Variants in DNAH2 observed in about 807,000 individuals in gnomAD.
DNAH2 encodes the protein dynein axonemal heavy chain 2, also known as axonemal beta dynein heavy chain 2.
Under a neutral mutation model 523.5 loss-of-function variants are expected in DNAH2, and 323 were observed. The observed-to-expected ratio is 0.62, with a 90% confidence interval of 0.56 to 0.68. DNAH2 has a LOEUF of 0.68. Among genes scored for constraint, DNAH2 ranks in the 30% least tolerant of loss-of-function variants. The probability of loss-of-function intolerance (pLI) is 0.00; values close to 1 mark genes in which losing one functional copy is unlikely to be tolerated. For synonymous variants in DNAH2, 2,093 were observed against 2,177.4 expected (o/e 0.96, Z 1.08); for missense variants, 4,907 against 5,701.5 (o/e 0.86, Z 4.49).
At chr17:7,746,845 G>T (rs1227538970) in intron 12 of DNAH2, among the ~76,000 whole-genome samples, 1 of 152,090 alleles carries the variant, frequency 6.6e-6, no homozygotes, top group Non-Finnish European at 1.5e-5. Context: ...AAATTAGCCA[G>T]GCATGGTGGC....
rs1191162544 is a variant in DNAH2 at position 7,754,625 on chromosome 17, G to A, written c.1905-2466G>A. 2 of 1,498,502 alleles carry A rather than the reference G, an allele frequency of 1.3e-6. No homozygotes were observed. The highest frequency in any genetic ancestry group is 1.8e-6 in the Non-Finnish European group (2 of 1,091,394). The allele number at this position is 1,498,502 out of a possible 1,614,324, so 92.8% of individuals were successfully genotyped here. Reference sequence around the variant, plus strand: ...TCAAGGCCCTCGTAAAGCCCAAGGAGGTTAAGCCCAAGATCCCAAAGGGTG... The same window carrying A: ...TCAAGGCCCTCGTAAAGCCCAAGGAAGTTAAGCCCAAGATCCCAAAGGGTG... On this transcript the variant is annotated intron_variant, in intron 12 of 85. Transcript: ENST00000572933. The surrounding 1 kb of genome is among the most constrained non-coding windows in gnomAD (Gnocchi z 4.6).
At position 7,818,723 on chromosome 17, in the gene DNAH2, C is replaced by G. The variant is rs759458468; in HGVS notation, c.10617C>G (p.Ile3539Met). 1 of 1,613,978 alleles carries G rather than the reference C, an allele frequency of 6.2e-7. No individual in the cohort carries two copies. Among genetic ancestry groups the G allele is most frequent in the Non-Finnish European group, 8.5e-7 (1 of 1,180,022 alleles). ...ELEEQKDSLV[I>M]NIAAGKRKLK... ...AGGAGCAGAAGGACTCACTGGTCATCAACATCGCGGCTGGTAAAAGGAAGC... is the reference window on the plus strand; with the variant it reads ...AGGAGCAGAAGGACTCACTGGTCATGAACATCGCGGCTGGTAAAAGGAAGC... The change falls in exon 70 of 86, where the codon ATC becomes ATG. Residue 3539 changes from isoleucine (I) to methionine (M), a missense_variant. This residue lies in a region of DNAH2 where 1,851 missense variants were observed against 2,139.4 expected (regional missense o/e 0.87). Coordinates refer to ENST00000572933, the MANE Select transcript of DNAH2 (RefSeq NM_020877.5).
chr17:7,799,325 G>A lies in DNAH2; in HGVS notation c.8699+83G>A, dbSNP rs572074302. The stretch of plus-strand genomic sequence containing the variant: ...GGCCTCCTGTGCCTTCTGGAAATTA[G>A]TGTCAGGAATAACAGCAGGCTCCTC... On this transcript the variant is annotated intron_variant, in intron 56 of 85. Transcript: ENST00000572933. 1.0e-3 allele frequency: 1,603 copies of A among 1,560,242 alleles called. 29 individuals carry two copies. In the South Asian group the frequency reaches 0.018, roughly 17 times the overall value.
chr17:7,814,327 G>T (rs1356824660), intron 63 of DNAH2, among the ~76,000 whole-genome samples: 6 of 151,750 alleles, frequency 4.0e-5, no homozygotes, highest in Non-Finnish European at 7.4e-5. Flanking sequence ...AAGTATTTAG[G>T]CTTGAGGATT....
chr17:7,818,999 C>T lies in DNAH2; in HGVS notation c.10751C>T (p.Thr3584Ile), dbSNP rs2077771883. ...CTGCATACCTCCAAGATCACAGCCA[C>T]AGAGGTGACTGAGCAGCTGGAGACC... ...NTLHTSKITA[T>I]EVTEQLETSE... Residue 3584 changes from threonine to isoleucine, a missense_variant, in exon 71 of 86, where the codon ACA (threonine) becomes ATA (isoleucine). By Grantham distance (89) the Thr-to-Ile change is moderately conservative. Coordinates refer to ENST00000572933, the MANE Select transcript of DNAH2 (RefSeq NM_020877.5). 6.2e-7 allele frequency: 1 copy of T among 1,611,128 alleles called. No homozygotes were observed. The highest frequency in any genetic ancestry group is 8.5e-7 in the Non-Finnish European group (1 of 1,179,978).
chr17:7,764,066 G>A (rs2076083719), intron 19 of DNAH2, 35 bp downstream of exon 19: 2 of 1,614,162 alleles, frequency 1.2e-6, no homozygotes, highest in Admixed American at 1.7e-5. Context: ...AAGGGGGCAG[G>A]GGCAGGCACT....
chr17:7,798,951 G>A lies in DNAH2; in HGVS notation c.8560-152G>A, dbSNP rs1039303249. 8 of 1,197,008 alleles carry A rather than the reference G, an allele frequency of 6.7e-6. No homozygotes were observed. Among genetic ancestry groups the A allele is most frequent in the East Asian group, 2.6e-5 (1 of 39,176 alleles). 74.1% of individuals were successfully genotyped at this position (1,197,008 alleles called of 1,614,324 possible). Reference sequence around the variant, plus strand: ...CTTGAGCTTGTAGTTCCAGCTACTCGGGGGTGGGGGGTGCTGAAGTGGGAG... The same window carrying A: ...CTTGAGCTTGTAGTTCCAGCTACTCAGGGGTGGGGGGTGCTGAAGTGGGAG... On this transcript the variant is annotated intron_variant, in intron 55 of 85. Transcript: ENST00000572933. The surrounding 1 kb of genome is among the most constrained non-coding windows in gnomAD (Gnocchi z 5.5).
chr17:7,746,481 A>G (rs2075521501), intron 12 of DNAH2, among the ~76,000 whole-genome samples: 1 of 152,226 alleles, frequency 6.6e-6, no homozygotes, highest in African/African-American at 2.4e-5. Flanking sequence ...ATCATTTTAG[A>G]ACATTTGCAA....
At chr17:7,830,899 G>A in intron 79 of DNAH2, 57 bp downstream of exon 79, 3 of 1,604,704 alleles carry the variant, frequency 1.9e-6, no homozygotes, top group Non-Finnish European at 2.6e-6. Flanking sequence ...GCCAGGTGGT[G>A]GGATCAGGGG....
intron 71 of DNAH2, 29 bp from the exon 72 acceptor site, chr17:7,819,180 G>A: frequency 1.2e-6 from 2 of 1,611,420 alleles, no homozygotes; most frequent in Non-Finnish European, 8.5e-7. Flanking sequence ...TCCCTCAGTG[G>A]CCCTGACTCC....
chr17:7,733,512 C>T (rs1332678695), intron 5 of DNAH2, among the ~76,000 whole-genome samples, 197 bp downstream of exon 5: 2 of 128,192 alleles, frequency 1.6e-5, no homozygotes, highest in East Asian at 2.0e-4. Flanking sequence ...GAGTCTCACC[C>T]TGTTGCCCAG....
Position 7,760,784 on chromosome 17 carries a change from G to GCT in DNAH2, c.2830_2831insCT (p.Gly944AlafsTer3). 1 of 1,614,116 alleles carries GCT rather than the reference G, an allele frequency of 6.2e-7. No homozygotes were observed. The highest frequency in any genetic ancestry group is 8.5e-7 in the Non-Finnish European group (1 of 1,180,024). On this transcript the variant is annotated frameshift_variant, in exon 18 of 86. Transcript: ENST00000572933. LOFTEE classifies it high-confidence loss of function. The surrounding 1 kb of genome is among the most constrained non-coding windows in gnomAD (Gnocchi z 4.0). ...GAAGATCCAGACCCAAATCAGCAGC[G>GCT]GCATGACTAACAACGCAAGCCTGCT...
chr17:7,800,575 A>T (rs975722955), intron 56 of DNAH2, among the ~76,000 whole-genome samples: 9 of 150,260 alleles, frequency 6.0e-5, no homozygotes, highest in African/African-American at 1.7e-4. Context: ...TACCTTAAAA[A>T]TTTTTTTTTG....
chr17:7,775,887 G>A (rs1331575236), intron 30 of DNAH2, 137 bp from the exon 31 acceptor site: 9 of 1,181,914 alleles, frequency 7.6e-6, no homozygotes, highest in Non-Finnish European at 9.3e-6. Context: ...TCTCAGGAAC[G>A]CAAGCCAGCT....
Position 7,819,251 on chromosome 17 carries a change from G to A in DNAH2, c.10858G>A (p.Val3620Met), listed in dbSNP as rs763695247. 28 of 1,613,976 alleles carry A rather than the reference G, an allele frequency of 1.7e-5. No individual in the cohort carries two copies. In the Middle Eastern group the frequency reaches 9.9e-4, roughly 57 times the overall value. Residue 3620 changes from valine to methionine, a missense_variant, in exon 72 of 86, where the codon GTG becomes ATG. Transcript: ENST00000572933. ...CCAGCGGGCATCAATCCTGTTCTTC[G>A]TGCTCAATGATATGGGCTGCATCGA... ...CAQRASILFF[V>M]LNDMGCIDPM...
intron 63 of DNAH2, among the ~76,000 whole-genome samples, chr17:7,808,211 A>G (rs2077419954): frequency 6.6e-6 from 1 of 152,102 alleles, no homozygotes; most frequent in African/African-American, 2.4e-5. Context: ...TCTCTACTAA[A>G]AATACAAAAA....
rs114485359 is a variant in DNAH2 at position 7,793,863 on chromosome 17, G to A, written c.7570-391G>A. ...AAAACTCGCCTAGTGCTATATTCATGTGTGTTTGAGAGAGAACATACACAC... is the reference window on the plus strand; with the variant it reads ...AAAACTCGCCTAGTGCTATATTCATATGTGTTTGAGAGAGAACATACACAC... On this transcript the variant is annotated intron_variant, in intron 48 of 85. Coordinates refer to ENST00000572933, the MANE Select transcript of DNAH2 (RefSeq NM_020877.5). 7.9e-3 allele frequency among the ~76,000 whole-genome samples: 1,201 copies of A among 152,190 alleles called. 15 individuals carry two copies. The highest frequency in any genetic ancestry group is 0.027 in the African/African-American group (1,131 of 41,512).
At chr17:7,756,809 TA>T (rs1325142033) in intron 12 of DNAH2, among the ~76,000 whole-genome samples, 1 of 152,168 alleles carries the variant, frequency 6.6e-6, no homozygotes, top group Non-Finnish European at 1.5e-5. Context: ...TAGCTGGGAT[TA>T]CAGGCGCACG....
chr17:7,775,880 C>T (rs2151233650), intron 30 of DNAH2, 144 bp from the exon 31 acceptor site: 2 of 1,123,390 alleles, frequency 1.8e-6, no homozygotes, highest in East Asian at 5.1e-5. Flanking sequence ...CCATTTCTCT[C>T]AGGAACGCAA....
Sources: gnomAD v4.1 joint callset for allele counts (sites outside exome capture counted in the v4.1 genomes callset) on GRCh38, gnomAD v4.1.1 for gene constraint, gnomAD v4.1.1 regional missense constraint, Gnocchi (gnomAD v3.1) non-coding constraint, MANE v1.5 for transcripts, NCBI Gene and HGNC (gene_info 2026-07-23, HGNC 2026-07-21) for gene names.